Variants in GALNTL6 observed in about 807,000 individuals in gnomAD.
GALNTL6 encodes polypeptide N-acetylgalactosaminyltransferase like 6.
Under a neutral mutation model 73.7 loss-of-function variants are expected in GALNTL6, and 46 were observed. The ratio of observed to expected loss-of-function variants is 0.62; its 90% confidence interval spans 0.49 to 0.80. The LOEUF is 0.80. GALNTL6 is among the 30% of genes least tolerant of loss of function. The probability of loss-of-function intolerance (pLI) is 0.00; values close to 1 mark genes in which losing one functional copy is unlikely to be tolerated. For missense variants in GALNTL6, 604 were observed against 755.0 expected, an observed-to-expected ratio of 0.80 and a Z score of 2.34; for synonymous variants, 259 against 263.7, an observed-to-expected ratio of 0.98 and a Z score of 0.17.
At chr4:172,534,994 T>C (rs1298019944) in intron 5 of GALNTL6, among the ~76,000 whole-genome samples, 2 of 152,178 alleles carry the variant, frequency 1.3e-5, no homozygotes, top group African/African-American at 4.8e-5. Context: ...GCCATCTATA[T>C]AGTCAGTGGA....
At chr4:171,938,747 A>C (rs1157546960) in intron 2 of GALNTL6, among the ~76,000 whole-genome samples, 1 of 152,198 alleles carries the variant, frequency 6.6e-6, no homozygotes, top group Non-Finnish European at 1.5e-5. Context: ...ATCACCGTGA[A>C]AGAAGCATTA....
intron 5 of GALNTL6, among the ~76,000 whole-genome samples, chr4:172,723,804 A>C (rs1487469983): frequency 4.0e-5 from 6 of 151,730 alleles, no homozygotes; most frequent in Non-Finnish European, 5.9e-5. Flanking sequence ...CAAAGAGTGA[A>C]GTGGTGGTTT....
intron 5 of GALNTL6, among the ~76,000 whole-genome samples, chr4:172,572,332 A>G (rs1026191895): frequency 6.6e-6 from 1 of 152,220 alleles, no homozygotes; most frequent in Non-Finnish European, 1.5e-5. Flanking sequence ...CACATGGATT[A>G]TTATGTTTAA....
intron 2 of GALNTL6, among the ~76,000 whole-genome samples, chr4:172,069,613 A>G (rs370664857): frequency 1.7e-4 from 5 of 28,858 alleles, no homozygotes; most frequent in Admixed American, 3.7e-4. Flanking sequence ...TGTTATATAT[A>G]TATAACATAT....
At chr4:172,587,223 G>C (rs544023119) in intron 5 of GALNTL6, among the ~76,000 whole-genome samples, 2 of 152,196 alleles carry the variant, frequency 1.3e-5, no homozygotes, top group South Asian at 2.1e-4. Flanking sequence ...TCTAGACCTT[G>C]TGCTGATATG....
chr4:172,176,110 T>C (rs1039416240), intron 2 of GALNTL6, among the ~76,000 whole-genome samples: 10 of 151,636 alleles, frequency 6.6e-5, no homozygotes, highest in Non-Finnish European at 1.2e-4. Context: ...GAGGCCGAGG[T>C]GGGCGGATCA....
intron 5 of GALNTL6, among the ~76,000 whole-genome samples, chr4:172,683,953 A>G (rs1303921567): frequency 2.0e-5 from 3 of 152,210 alleles, no homozygotes; most frequent in Non-Finnish European, 2.9e-5. Context: ...ACACATTCTT[A>G]AAAATTACAG....
chr4:173,039,262 A>G (rs1255250829), intron 12 of GALNTL6, among the ~76,000 whole-genome samples: 1 of 152,242 alleles, frequency 6.6e-6, no homozygotes, highest in Admixed American at 6.5e-5. Flanking sequence ...CATTATATCA[A>G]TAAAGGGATT....
intron 5 of GALNTL6, among the ~76,000 whole-genome samples, chr4:172,532,987 T>C (rs1327854501): frequency 6.6e-6 from 1 of 151,694 alleles, no homozygotes; most frequent in Non-Finnish European, 1.5e-5. Context: ...TGAATATCAC[T>C]GTTTAAAAAC....
chr4:172,061,080 A>C (rs1039019376), intron 2 of GALNTL6, among the ~76,000 whole-genome samples: 3 of 152,214 alleles, frequency 2.0e-5, no homozygotes, highest in Non-Finnish European at 4.4e-5. Context: ...GGTAACAGTG[A>C]TTACCTGAAA....
At chr4:172,651,952 C>A (rs1039502024) in intron 5 of GALNTL6, among the ~76,000 whole-genome samples, 2 of 152,064 alleles carry the variant, frequency 1.3e-5, no homozygotes, top group African/African-American at 4.8e-5. Flanking sequence ...TAAAGAGGTC[C>A]CAGGTTGGCT....
rs1226304162 is a variant in GALNTL6 at position 172,505,018 on chromosome 4, T to G, written c.553+156329T>G. ...AGAAAGGAAATTTTTTTCTAAGTGA[T>G]TATAATGTCATTTTCAAGTTATGCA... On this transcript the variant is annotated intron_variant, in intron 5 of 12. Transcript: ENST00000506823. Among the ~76,000 whole-genome samples the G allele has an allele frequency of 9.9e-4, 55 of 55,392 alleles. 24 individuals are homozygous for G. The Admixed American group carries it at 0.012, about 12-fold the overall frequency. The allele number at this position is 55,392 out of a possible 152,430, so 36.3% of individuals were successfully genotyped here.
chr4:172,849,631 G>A (rs1392468241), intron 7 of GALNTL6, among the ~76,000 whole-genome samples: 2 of 152,160 alleles, frequency 1.3e-5, no homozygotes, highest in African/African-American at 4.8e-5. Flanking sequence ...GAACAAGCCA[G>A]CTATAGTTTA....
chr4:172,379,547 A>G (rs1743189597), intron 5 of GALNTL6, among the ~76,000 whole-genome samples: 1 of 145,304 alleles, frequency 6.9e-6, no homozygotes, highest in African/African-American at 2.7e-5. Context: ...AAAAAAAAAA[A>G]AAAAAAAAAA....
At chr4:171,954,831 G>C (rs111775460) in intron 2 of GALNTL6, among the ~76,000 whole-genome samples, 105 of 152,186 alleles carry the variant, frequency 6.9e-4, no homozygotes, top group African/African-American at 2.5e-3. Flanking sequence ...AGACCTGGTT[G>C]TTTAAAAGTG....
At chr4:172,589,027 A>G (rs945455363) in intron 5 of GALNTL6, among the ~76,000 whole-genome samples, 4 of 152,264 alleles carry the variant, frequency 2.6e-5, no homozygotes, top group African/African-American at 9.6e-5. Flanking sequence ...TAAATATTAT[A>G]TCTAGACATT....
Position 172,816,964 on chromosome 4 carries a change from G to A in GALNTL6, c.923+3241G>A, listed in dbSNP as rs370877126. Among the ~76,000 whole-genome samples, 8 of 151,960 alleles carry A rather than the reference G, an allele frequency of 5.3e-5. 1 individual carries two copies. Among genetic ancestry groups the A allele is most frequent in the Middle Eastern group, 6.8e-3 (2 of 294 alleles). On this transcript the variant is annotated intron_variant, in intron 7 of 12. Transcript: ENST00000506823. Reference sequence around the variant, plus strand: ...TTTACTAAAAATACAACAATTAGCCGGGCATGGTGGTGGGTGCCTGTAGTC... The same window carrying A: ...TTTACTAAAAATACAACAATTAGCCAGGCATGGTGGTGGGTGCCTGTAGTC...
intron 5 of GALNTL6, among the ~76,000 whole-genome samples, chr4:172,355,619 A>G (rs945434748): frequency 1.4e-4 from 22 of 152,124 alleles, no homozygotes; most frequent in Non-Finnish European, 2.9e-4. Context: ...TAAGCAAAAC[A>G]TACTATTACT....
intron 2 of GALNTL6, among the ~76,000 whole-genome samples, chr4:171,875,851 G>A (rs573807066): frequency 6.8e-4 from 103 of 151,010 alleles, no homozygotes; most frequent in African/African-American, 2.4e-3. Context: ...CCTGCTCATG[G>A]CTAACTATCT....
Sources: gnomAD v4.1 joint callset for allele counts (sites outside exome capture counted in the v4.1 genomes callset) on GRCh38, gnomAD v4.1.1 for gene constraint, MANE v1.5 for transcripts, NCBI Gene and HGNC (gene_info 2026-07-23, HGNC 2026-07-21) for gene names.